The following SEC31B variants were observed in gnomAD, a reference collection of about 807,000 sequenced individuals.
SEC31B encodes SEC31 homolog B, COPII component, also known as protein transport protein Sec31B.
Under a neutral mutation model 135.0 loss-of-function variants are expected in SEC31B, and 113 were observed. The ratio of observed to expected loss-of-function variants is 0.84; its 90% CI spans 0.72 to 0.98. The LOEUF is 0.98. SEC31B is among the 50% of genes least tolerant of loss of function. The probability of loss-of-function intolerance (pLI) is 0.00; values close to 1 mark genes in which losing one functional copy is unlikely to be tolerated. For missense variants in SEC31B, 1,296 were observed against 1,421.1 expected (o/e 0.91, Z 1.42); for synonymous variants, 508 against 549.4 (o/e 0.92, Z 1.05).
At chr10:100,489,837 C>T (rs1298568867) in intron 21 of SEC31B, 76 bp from the exon 22 acceptor site, 1 of 1,604,372 alleles carries the variant, frequency 6.2e-7, no homozygotes, top group African/African-American at 1.3e-5. Flanking sequence ...AGGCTGGAAG[C>T]ATTCTTTGAG....
chr10:100,498,030 G>C lies in SEC31B; in HGVS notation c.1862C>G (p.Ser621Trp). Residue 621 changes from serine (S) to tryptophan (W), a missense_variant and splice_region_variant, in exon 15 of 26, where the codon TCG becomes TGG. By Grantham distance (177) the Ser-to-Trp change is radical. Coordinates refer to ENST00000370345, the MANE Select transcript of SEC31B (RefSeq NM_015490.4). ...YLAKKKTKIS[S>W]LLACVVQKNW... Reference sequence around the variant, plus strand: ...TTCTCCTGCATGATGGGCAGTTACCGAGGAGATTTTGGTTTTCTTCTTGGC... The same window carrying C: ...TTCTCCTGCATGATGGGCAGTTACCCAGGAGATTTTGGTTTTCTTCTTGGC... 6.2e-7 allele frequency: 1 copy of C among 1,614,064 alleles called. No homozygotes were observed. Among genetic ancestry groups the C allele is most frequent in the Non-Finnish European group, 8.5e-7 (1 of 1,179,996 alleles).
At position 100,496,381 on chromosome 10, in the gene SEC31B, C is replaced by T. The variant is rs762382363; in HGVS notation, c.2187G>A (p.Arg729=). 7 of 1,614,214 alleles carry T rather than the reference C, an allele frequency of 4.3e-6. No individual in the cohort carries two copies. In the South Asian group the frequency reaches 5.5e-5, roughly 13 times the overall value. ...GGCCTGGGCTCACCCCATGAGGACC[C>T]CGCAGTTGCTCCAAGCTCCTGTTAA... ...MVLNRSLEQL[R]GPHGVSPGPA... is the part of the protein sequence containing the mutation. The change falls in exon 18 of 26, where the codon CGG becomes CGA. Residue 729 remains arginine (R), a synonymous_variant. Coordinates refer to ENST00000370345, the MANE Select transcript of SEC31B (RefSeq NM_015490.4).
At position 100,499,188 on chromosome 10, in the gene SEC31B, C is replaced by T. The variant is rs765002007; in HGVS notation, c.1556G>A (p.Ser519Asn). The change falls in exon 13 of 26, where the codon AGT becomes AAT. Residue 519 changes from serine to asparagine, a missense_variant. Physicochemically the swap from Ser to Asn is conservative, Grantham distance 46 (BLOSUM62 1). Transcript: ENST00000370345. The part of the protein sequence containing the change: ...SPQPKGNDLN[S>N]DRQQAFCSQA... The stretch of plus-strand genomic sequence containing the variant: ...GCTGCAGAAGGCCTGTTGTCTGTCA[C>T]TGTTGAGGTCATTTCCCTTGGGCTG... 1.2e-6 allele frequency: 2 copies of T among 1,614,108 alleles called. No individual in the cohort carries two copies. The highest frequency in any genetic ancestry group is 2.2e-5 in the South Asian group (2 of 91,020).
intron 21 of SEC31B, 101 bp downstream of exon 21, chr10:100,489,907 A>G (rs1851266780): frequency 1.9e-6 from 3 of 1,540,492 alleles, no homozygotes; most frequent in South Asian, 1.3e-5. Flanking sequence ...CCTCCACCCA[A>G]CAGGGCCCTA....
At chr10:100,508,790 G>A (rs371317308) in intron 5 of SEC31B, 11 of 576,872 alleles carry the variant, frequency 1.9e-5, no homozygotes, top group East Asian at 1.5e-4. Flanking sequence ...CTCTTAGAAC[G>A]AGTAATGAGC....
intron 2 of SEC31B, 95 bp from the exon 3 acceptor site, chr10:100,516,314 G>C (rs1838640830): frequency 2.1e-6 from 3 of 1,410,432 alleles, no homozygotes; most frequent in Non-Finnish European, 2.9e-6. Flanking sequence ...GAACAGAAGA[G>C]GGCTGGGTAT....
intron 1 of SEC31B, among the ~76,000 whole-genome samples, chr10:100,517,937 T>C (rs1851879777): frequency 6.6e-6 from 1 of 152,214 alleles, no homozygotes; most frequent in South Asian, 2.1e-4. Flanking sequence ...TATCTCAATC[T>C]GTCTACTTTT....
In SEC31B at chr10:100,509,347, G is replaced by A; in HGVS notation, c.368C>T (p.Ala123Val). Residue 123 changes from alanine to valine, a missense_variant, in exon 4 of 26, where the codon GCT becomes GTT. Physicochemically the swap from Ala to Val is moderately conservative, Grantham distance 64. Coordinates refer to ENST00000370345, the MANE Select transcript of SEC31B (RefSeq NM_015490.4). The stretch of plus-strand genomic sequence containing the variant: ...AGGATTCAAGTCGAGGGCTCTGACA[G>A]CCCCCGTGTGCTTCTGTTTCTGAGC... Reference protein sequence around the residue: ...VIAQKQKHTGAVRALDLNPFQ... With the variant: ...VIAQKQKHTGVVRALDLNPFQ... 6.2e-7 allele frequency: 1 copy of A among 1,613,882 alleles called. No individual in the cohort carries two copies. Among genetic ancestry groups the A allele is most frequent in the African/African-American group, 1.3e-5 (1 of 75,022 alleles).
chr10:100,502,201 A>C (rs1450317574), intron 11 of SEC31B, 53 bp downstream of exon 11: 1 of 1,397,412 alleles, frequency 7.2e-7, no homozygotes, highest in East Asian at 2.3e-5. Flanking sequence ...CAGAGGTTGG[A>C]GTTCCAGGCT....
rs777239266 is a variant in SEC31B at position 100,509,006 on chromosome 10, C to T, written c.495+1G>A. 4.3e-6 allele frequency: 7 copies of T among 1,613,198 alleles called. No homozygotes were observed. The Admixed American group carries it at 5.0e-5, about 12-fold the overall frequency. Reference sequence around the variant, plus strand: ...GGTTGGGTAGTGGGGGTGCTGCTCACCTGTGACTTGGATCCCAGGGTCATT... The same window carrying T: ...GGTTGGGTAGTGGGGGTGCTGCTCATCTGTGACTTGGATCCCAGGGTCATT... On this transcript the variant is annotated splice_donor_variant, in intron 5 of 25. Transcript: ENST00000370345. LOFTEE classifies it high-confidence loss of function.
At chr10:100,493,036 T>C (rs1052259743) in intron 19 of SEC31B, among the ~76,000 whole-genome samples, 1 of 152,100 alleles carries the variant, frequency 6.6e-6, no homozygotes, top group Non-Finnish European at 1.5e-5. Context: ...ATACCCCAAA[T>C]TGGAAACTAT....
chr10:100,493,943 G>A (rs1179955403), intron 19 of SEC31B, among the ~76,000 whole-genome samples: 1 of 150,342 alleles, frequency 6.7e-6, no homozygotes, highest in Non-Finnish European at 1.5e-5. Context: ...AATGAAAAGA[G>A]ACGGGGAGAG....
chr10:100,493,126 C>T (rs371557132), intron 19 of SEC31B, among the ~76,000 whole-genome samples: 166 of 152,266 alleles, frequency 1.1e-3, no homozygotes, highest in Middle Eastern at 6.8e-3. Flanking sequence ...ATAATCCCAG[C>T]GCTTTGGGAG....
At chr10:100,518,795 A>G (rs567632430) in intron 1 of SEC31B, among the ~76,000 whole-genome samples, 3 of 152,244 alleles carry the variant, frequency 2.0e-5, no homozygotes, top group Non-Finnish European at 4.4e-5. Flanking sequence ...CTTAATCTCT[A>G]AGGTACTTTC....
Position 100,518,909 on chromosome 10 carries a change from A to G in SEC31B, c.-46+873T>C, listed in dbSNP as rs139359046. Among the ~76,000 whole-genome samples the G allele has an allele frequency of 9.8e-5, 15 of 152,322 alleles. No individual in the cohort carries two copies. The East Asian group carries it at 2.7e-3, about 27-fold the overall frequency. On this transcript the variant is annotated intron_variant, in intron 1 of 25. Coordinates refer to ENST00000370345, the MANE Select transcript of SEC31B (RefSeq NM_015490.4). ...TATTCTGTGACCAGCTCAACACTCT[A>G]CTATACAGTCACCAGTGCCACCTGC...
chr10:100,499,639 A>G (rs1251788974), intron 11 of SEC31B, 41 bp from the exon 12 acceptor site: 1 of 1,405,494 alleles, frequency 7.1e-7, no homozygotes, highest in South Asian at 1.2e-5. Context: ...CATTAAATGA[A>G]CATAAATGAC....
rs912371857 is a variant in SEC31B at position 100,497,508 on chromosome 10, A to G, written c.1990+159T>C. ...ATCCCCTCTGAAAATAGGGGCATGC[A>G]CTGTGGTCCCTGCCTCCTGGCTGAG... On this transcript the variant is annotated intron_variant, in intron 16 of 25. Transcript: ENST00000370345. 6 of 1,509,364 alleles carry G rather than the reference A, an allele frequency of 4.0e-6. No homozygotes were observed. In the African/African-American group the frequency reaches 8.3e-5, roughly 21 times the overall value. The allele number at this position is 1,509,364 out of a possible 1,614,324, so 93.5% of individuals were successfully genotyped here. A position where few individuals can be genotyped will look rare whatever the true frequency, so the allele number is the denominator to read the frequency against.
rs6584382 is a variant in SEC31B at position 100,490,502 on chromosome 10, C to T, written c.2651-180G>A. The T allele has an allele frequency of 7.9e-3, 6,978 of 881,576 alleles. 352 individuals are homozygous for T. In the African/African-American group the frequency reaches 0.1, roughly 13 times the overall value. 54.6% of individuals were successfully genotyped at this position (881,576 alleles called of 1,614,324 possible). On this transcript the variant is annotated intron_variant, in intron 20 of 25. Coordinates refer to ENST00000370345, the MANE Select transcript of SEC31B (RefSeq NM_015490.4). ...TTCCTTATTTGACCTTCAAAACAAT[C>T]CCATAGCATTGAAATAAGCAACACA...
intron 9 of SEC31B, 117 bp from the exon 10 acceptor site, chr10:100,505,612 C>A: frequency 6.8e-7 from 1 of 1,464,170 alleles, no homozygotes; most frequent in South Asian, 1.4e-5. Flanking sequence ...CTAGAAAGGT[C>A]AGACTCCCAT....
Sources: gnomAD v4.1 joint callset for allele counts (sites outside exome capture counted in the v4.1 genomes callset) on GRCh38, gnomAD v4.1.1 for gene constraint, MANE v1.5 for transcripts, NCBI Gene and HGNC (gene_info 2026-07-23, HGNC 2026-07-21) for gene names.